NRXN3: variants seen among roughly 807,000 people sequenced by gnomAD.
The protein encoded by NRXN3 is neurexin 3, also known as neurexin III.
In NRXN3, 32 loss-of-function variants were observed where a neutral mutation model predicts 137.6. That is an observed-to-expected ratio of 0.23 (90% CI 0.18 to 0.31). The LOEUF (loss-of-function observed/expected upper bound fraction) is 0.31. Among genes scored for constraint, NRXN3 ranks in the 10% least tolerant of loss-of-function variants. The probability of loss-of-function intolerance (pLI) is 1.00; values close to 1 mark genes in which losing one functional copy is unlikely to be tolerated. For synonymous variants in NRXN3, 798 were observed against 784.5 expected (o/e 1.02, Z -0.29); for missense variants, 1,574 against 2,062.5 (o/e 0.76, Z 4.59).
intron 4 of NRXN3, among the ~76,000 whole-genome samples, chr14:78,491,130 T>G (rs1190408652): frequency 1.3e-5 from 2 of 152,156 alleles, no homozygotes; most frequent in Non-Finnish European, 2.9e-5. Context: ...AGAAAGGACA[T>G]TTTCAAGCTA....
chr14:79,613,253 G>A (rs2098122587), intron 16 of NRXN3, among the ~76,000 whole-genome samples: 1 of 152,216 alleles, frequency 6.6e-6, no homozygotes, highest in Non-Finnish European at 1.5e-5. Context: ...AAACTATAAT[G>A]CTTAAACTGT....
chr14:79,555,395 A>G (rs1232233121), intron 16 of NRXN3, among the ~76,000 whole-genome samples: 3 of 152,286 alleles, frequency 2.0e-5, no homozygotes, highest in East Asian at 1.9e-4. Context: ...CCTAATAACC[A>G]GTAGCATTTG....
intron 19 of NRXN3, among the ~76,000 whole-genome samples, chr14:79,777,682 T>G (rs570317743): frequency 6.6e-6 from 1 of 152,100 alleles, no homozygotes; most frequent in Admixed American, 6.5e-5. Context: ...AAATTCAGTG[T>G]TTTTCACTGA....
chr14:79,408,566 A>G (rs2095357131), intron 15 of NRXN3, among the ~76,000 whole-genome samples: 1 of 152,112 alleles, frequency 6.6e-6, no homozygotes, highest in African/African-American at 2.4e-5. Flanking sequence ...ACCTAACCTC[A>G]AGCATTTGCA....
At chr14:78,180,752 G>A (rs2059738169) in intron 1 of NRXN3, among the ~76,000 whole-genome samples, 1 of 152,146 alleles carries the variant, frequency 6.6e-6, no homozygotes, top group African/African-American at 2.4e-5. Context: ...TAAATCCCAG[G>A]GTCTTGCAGT....
chr14:78,752,396 C>G (rs1336241137), intron 8 of NRXN3, among the ~76,000 whole-genome samples: 1 of 152,172 alleles, frequency 6.6e-6, no homozygotes, highest in African/African-American at 2.4e-5. Context: ...AGCCTGAGCA[C>G]AGAGTGAGAT....
intron 18 of NRXN3, among the ~76,000 whole-genome samples, chr14:79,696,553 G>A (rs56923607): frequency 1.3e-5 from 2 of 151,798 alleles, no homozygotes; most frequent in Non-Finnish European, 1.5e-5. Context: ...CTGATAAATT[G>A]CAATAAATTT....
At chr14:79,575,793 G>A (rs1265206447) in intron 16 of NRXN3, among the ~76,000 whole-genome samples, 1 of 152,040 alleles carries the variant, frequency 6.6e-6, no homozygotes, top group African/African-American at 2.4e-5. Context: ...AATCGGGGAG[G>A]GTGCTCCTGT....
intron 10 of NRXN3, among the ~76,000 whole-genome samples, chr14:78,817,644 T>C (rs1445098304): frequency 6.6e-6 from 1 of 152,102 alleles, no homozygotes; most frequent in Admixed American, 6.6e-5. Context: ...GGGGAGGTAG[T>C]ATGTGCAAAA....
intron 19 of NRXN3, among the ~76,000 whole-genome samples, chr14:79,801,385 G>T (rs536332684): frequency 6.6e-6 from 1 of 152,264 alleles, no homozygotes; most frequent in East Asian, 1.9e-4. Context: ...TCTAATGTGG[G>T]GTAAATCGTA....
chr14:79,665,120 G>A (rs1293615428), intron 17 of NRXN3, among the ~76,000 whole-genome samples: 2 of 152,124 alleles, frequency 1.3e-5, no homozygotes, highest in African/African-American at 4.8e-5. Context: ...ACCTAACTCA[G>A]CATTAATTTT....
At chr14:78,173,996 G>A (rs912581707) in intron 1 of NRXN3, among the ~76,000 whole-genome samples, 14 of 151,982 alleles carry the variant, frequency 9.2e-5, no homozygotes, top group African/African-American at 3.4e-4. Context: ...CGCAACCGCG[G>A]TCTTCTTTCT....
rs555635559 is a variant in NRXN3, at chr14:79,681,748, T to TA, written c.3617-10425_3617-10424insA. Among the ~76,000 whole-genome samples the TA allele has an allele frequency of 1.9e-4, 29 of 152,142 alleles. No individual in the cohort carries two copies. The South Asian group carries it at 6.0e-3, about 32-fold the overall frequency. ...TTTGAAATGGGATTGTAGCTATTTT[T>TA]TTTTTTTTTCCAATTTAACACACTG... On this transcript the variant is annotated intron_variant, in intron 17 of 20. Transcript: ENST00000335750.
intron 19 of NRXN3, among the ~76,000 whole-genome samples, chr14:79,796,346 G>A (rs1393211141): frequency 6.6e-6 from 1 of 152,046 alleles, no homozygotes; most frequent in Non-Finnish European, 1.5e-5. Flanking sequence ...CCTGCTTTTG[G>A]GAAGGTACAT....
chr14:78,425,279 G>C (rs1189661731), intron 4 of NRXN3, among the ~76,000 whole-genome samples: 1 of 152,220 alleles, frequency 6.6e-6, no homozygotes, highest in African/African-American at 2.4e-5. Flanking sequence ...AAAGAGAAGA[G>C]GGAGCATGTG....
At chr14:78,719,788 G>A (rs2098451179) in intron 8 of NRXN3, among the ~76,000 whole-genome samples, 1 of 152,182 alleles carries the variant, frequency 6.6e-6, no homozygotes, top group Admixed American at 6.5e-5. Context: ...GTTGCAGTGA[G>A]CCAAGATCAT....
intron 15 of NRXN3, among the ~76,000 whole-genome samples, chr14:79,249,810 A>G (rs114823098): frequency 6.6e-6 from 1 of 152,202 alleles, no homozygotes. Context: ...TGAATCTGGG[A>G]TGAAAGTGAG....
intron 15 of NRXN3, among the ~76,000 whole-genome samples, chr14:79,186,393 C>T (rs971269571): frequency 6.6e-6 from 1 of 151,984 alleles, no homozygotes. Flanking sequence ...GCTAACATGC[C>T]ATGTCTCTCT....
intron 15 of NRXN3, among the ~76,000 whole-genome samples, chr14:79,056,265 C>T (rs1406102930): frequency 6.6e-6 from 1 of 150,392 alleles, no homozygotes; most frequent in East Asian, 1.9e-4. Context: ...TTTTTCTGTT[C>T]ATTTACTGAG....
Sources: gnomAD v4.1 joint callset for allele counts (sites outside exome capture counted in the v4.1 genomes callset) on GRCh38, gnomAD v4.1.1 for gene constraint, MANE v1.5 for transcripts, NCBI Gene and HGNC (gene_info 2026-07-23, HGNC 2026-07-21) for gene names.